Variants in CRACR2A observed in about 807,000 individuals in gnomAD.
CRACR2A encodes the protein calcium release activated channel regulator 2A.
In CRACR2A, 79 loss-of-function variants were observed where a neutral mutation model predicts 90.5. That is an observed-to-expected ratio of 0.87 (90% CI 0.73 to 1.05). CRACR2A has a LOEUF of 1.05. Ranked by LOEUF, CRACR2A falls within the 50% of genes least tolerant of loss-of-function variation. The pLI, the probability that CRACR2A is intolerant of heterozygous loss-of-function variation, is 0.00. For synonymous variants in CRACR2A, 338 were observed against 356.7 expected (o/e 0.95, Z 0.59); for missense variants, 823 against 897.2 (o/e 0.92, Z 1.06).
chr12:3,730,648 A>G (rs1946346888), intron 2 of CRACR2A: 1 of 152,246 alleles, frequency 6.6e-6, no homozygotes, highest in Admixed American at 6.5e-5. Flanking sequence ...AGCTCTCCAC[A>G]TACTGAGAGG....
At chr12:3,677,295 C>T (rs952235279) in intron 6 of CRACR2A, among the ~76,000 whole-genome samples, 2 of 152,180 alleles carry the variant, frequency 1.3e-5, no homozygotes, top group Non-Finnish European at 2.9e-5. Flanking sequence ...TGAATGTTTC[C>T]CTCATGCTGC....
chr12:3,696,475 G>T (rs1322418943), intron 4 of CRACR2A, among the ~76,000 whole-genome samples: 1 of 148,886 alleles, frequency 6.7e-6, no homozygotes, highest in Non-Finnish European at 1.5e-5. Context: ...GTTTCAGAAG[G>T]TTCTTCTCGT....
At chr12:3,709,195 A>C (rs933115034) in intron 3 of CRACR2A, among the ~76,000 whole-genome samples, 2 of 152,244 alleles carry the variant, frequency 1.3e-5, no homozygotes, top group East Asian at 1.9e-4. Flanking sequence ...AGCGGTCCCC[A>C]AAAATAAAAC....
In CRACR2A at chr12:3,638,329, C is replaced by CG. The variant is rs894710122; in HGVS notation, c.1396dup (p.Arg466ProfsTer10). 21 of 1,551,008 alleles carry CG rather than the reference C, an allele frequency of 1.4e-5. No individual in the cohort carries two copies. The highest frequency in any genetic ancestry group is 1.4e-5 in the African/African-American group (1 of 72,962). On this transcript the variant is annotated frameshift_variant, in exon 14 of 20. Coordinates refer to ENST00000440314, the MANE Select transcript of CRACR2A (RefSeq NM_001144958.2). LOFTEE classifies it high-confidence loss of function. ...AACGGAGATGATTCTGCGGAGCGGC[C>CG]GGGGGTACGGACCCCCAGGCCCTGG... is the stretch of plus-strand genomic sequence containing the variant.
At chr12:3,721,916 GGGT>G (rs1185134987) in intron 2 of CRACR2A, among the ~76,000 whole-genome samples, 2 of 152,176 alleles carry the variant, frequency 1.3e-5, no homozygotes, top group Non-Finnish European at 2.9e-5. Flanking sequence ...GTAGGGAACA[GGGT>G]GCACTGGCAC....
chr12:3,625,964 A>G (rs879256889), intron 17 of CRACR2A, among the ~76,000 whole-genome samples: 3 of 152,210 alleles, frequency 2.0e-5, no homozygotes, highest in Admixed American at 2.0e-4. Flanking sequence ...CAAAGTTTAG[A>G]AAGGAATTAC....
intron 2 of CRACR2A, among the ~76,000 whole-genome samples, chr12:3,720,271 A>G (rs938148854): frequency 2.1e-5 from 3 of 143,982 alleles, no homozygotes; most frequent in African/African-American, 5.2e-5. Context: ...GAAAGAAAGA[A>G]AGAGAGAGAG....
At chr12:3,673,089 A>G (rs1348957429) in intron 7 of CRACR2A, among the ~76,000 whole-genome samples, 1 of 152,152 alleles carries the variant, frequency 6.6e-6, no homozygotes. Flanking sequence ...TTCACAAGCT[A>G]TGCCTTCTGG....
chr12:3,680,375 T>C (rs766044860), intron 4 of CRACR2A, 26 bp from the exon 5 acceptor site: 12 of 1,587,960 alleles, frequency 7.6e-6, no homozygotes, highest in Non-Finnish European at 1.0e-5. Flanking sequence ...AGTGTACTGG[T>C]TAACACTGAC....
intron 1 of CRACR2A, among the ~76,000 whole-genome samples, chr12:3,740,700 A>G (rs927838216): frequency 9.2e-5 from 14 of 152,170 alleles, no homozygotes; most frequent in African/African-American, 2.9e-4. Context: ...ATCAACAGAG[A>G]GATCATCTCC....
chr12:3,699,671 C>T (rs1218519129), intron 3 of CRACR2A, among the ~76,000 whole-genome samples: 1 of 152,194 alleles, frequency 6.6e-6, no homozygotes, highest in African/African-American at 2.4e-5. Flanking sequence ...CTGGTAACAA[C>T]AGGTGATGCA....
chr12:3,708,479 C>T (rs1242124800), intron 3 of CRACR2A, among the ~76,000 whole-genome samples: 2 of 152,178 alleles, frequency 1.3e-5, no homozygotes, highest in Non-Finnish European at 2.9e-5. Flanking sequence ...GGCTGGAGTG[C>T]AGTGGCGCCA....
At chr12:3,680,403 G>A in intron 4 of CRACR2A, 54 bp from the exon 5 acceptor site, 2 of 1,501,640 alleles carry the variant, frequency 1.3e-6, no homozygotes, top group South Asian at 1.1e-5. Flanking sequence ...GGTGGGGGAG[G>A]TGACCTGGGA....
chr12:3,621,826 C>A (rs1476668146), intron 17 of CRACR2A, among the ~76,000 whole-genome samples: 1 of 151,938 alleles, frequency 6.6e-6, no homozygotes, highest in Non-Finnish European at 1.5e-5. Flanking sequence ...AACTGGCTTC[C>A]CTGCAGGGAC....
intron 8 of CRACR2A, among the ~76,000 whole-genome samples, chr12:3,657,730 T>C (rs937941956): frequency 1.3e-5 from 2 of 152,058 alleles, no homozygotes; most frequent in Admixed American, 1.3e-4. Flanking sequence ...CTGTGAAAAA[T>C]GCTGGGAGCA....
At chr12:3,651,064 T>C (rs928609677) in intron 10 of CRACR2A, among the ~76,000 whole-genome samples, 3 of 152,256 alleles carry the variant, frequency 2.0e-5, no homozygotes, top group African/African-American at 7.2e-5. Flanking sequence ...ATGGGTAATA[T>C]GTAAACTGAA....
At chr12:3,715,328 C>A (rs1946068001) in intron 2 of CRACR2A, among the ~76,000 whole-genome samples, 1 of 152,166 alleles carries the variant, frequency 6.6e-6, no homozygotes, top group Non-Finnish European at 1.5e-5. Flanking sequence ...ACTCAATATC[C>A]CAGCAATATG....
At chr12:3,715,350 T>G (rs1946068268) in intron 2 of CRACR2A, among the ~76,000 whole-genome samples, 1 of 152,310 alleles carries the variant, frequency 6.6e-6, no homozygotes, top group South Asian at 2.1e-4. Flanking sequence ...TGTCACTGAG[T>G]ACAACCAAGG....
intron 2 of CRACR2A, among the ~76,000 whole-genome samples, chr12:3,716,827 CT>C (rs777515820): frequency 1.3e-5 from 2 of 152,064 alleles, no homozygotes; most frequent in Non-Finnish European, 2.9e-5. Flanking sequence ...AAACTGATGT[CT>C]TTTCCTTCTT....
Sources: gnomAD v4.1 joint callset for allele counts (sites outside exome capture counted in the v4.1 genomes callset) on GRCh38, gnomAD v4.1.1 for gene constraint, MANE v1.5 for transcripts, NCBI Gene and HGNC (gene_info 2026-07-23, HGNC 2026-07-21) for gene names.